Variants in IL1RAPL2 observed in about 807,000 individuals in gnomAD.
IL1RAPL2 encodes the protein interleukin 1 receptor accessory protein like 2.
In IL1RAPL2, 3 loss-of-function variants were observed where a neutral mutation model predicts 44.1. The ratio of observed to expected loss-of-function variants is 0.07; its 90% CI spans 0.03 to 0.18. IL1RAPL2 has a LOEUF of 0.18. Among genes scored for constraint, IL1RAPL2 ranks in the 10% least tolerant of loss-of-function variants. IL1RAPL2 has a pLI of 1.00. For missense variants in IL1RAPL2, 391 were observed against 496.4 expected, an observed-to-expected ratio of 0.79 and a Z score of 2.02; for synonymous variants, 181 against 178.8, an observed-to-expected ratio of 1.01 and a Z score of -0.10.
At chrX:104,947,820 C>G (rs949951698) in intron 2 of IL1RAPL2, among the ~76,000 whole-genome samples, 2 of 112,040 alleles carry the variant, frequency 1.8e-5, no homozygotes, top group African/African-American at 3.2e-5. Context: ...GTTACTGTAG[C>G]CTTGTAGTAT....
At chrX:104,612,805 A>G (rs1418304509) in intron 1 of IL1RAPL2, among the ~76,000 whole-genome samples, 1 of 111,701 alleles carries the variant, frequency 9.0e-6, no homozygotes, top group Non-Finnish European at 1.9e-5. Flanking sequence ...CTTCCAATCA[A>G]TGAGCATGGA....
intron 6 of IL1RAPL2, among the ~76,000 whole-genome samples, chrX:105,626,528 A>C (rs1168915276): frequency 9.0e-6 from 1 of 111,400 alleles, no homozygotes; most frequent in East Asian, 2.8e-4. Flanking sequence ...TGGAAGTTTT[A>C]GACCCTTTGG....
At chrX:105,622,908 A>G (rs772556314) in intron 6 of IL1RAPL2, among the ~76,000 whole-genome samples, 7 of 110,473 alleles carry the variant, frequency 6.3e-5, no homozygotes, top group Non-Finnish European at 7.6e-5. Context: ...TAAAACCTCT[A>G]GTTCCCTCAT....
At chrX:105,098,754 G>A (rs185924314) in intron 2 of IL1RAPL2, among the ~76,000 whole-genome samples, 18 of 108,403 alleles carry the variant, frequency 1.7e-4, no homozygotes, top group Admixed American at 5.9e-4. Flanking sequence ...AGTCGTGTTT[G>A]ATTTGGGAAG....
At chrX:105,056,035 A>C (rs1168535900) in intron 2 of IL1RAPL2, among the ~76,000 whole-genome samples, 1 of 108,901 alleles carries the variant, frequency 9.2e-6, no homozygotes, top group Non-Finnish European at 1.9e-5. Flanking sequence ...TTCAGAACAG[A>C]AATTGCAAAT....
At chrX:104,837,804 T>A in intron 2 of IL1RAPL2, among the ~76,000 whole-genome samples, 1 of 111,978 alleles carries the variant, frequency 8.9e-6, no homozygotes, top group Non-Finnish European at 1.9e-5. Context: ...TCTTTGCCCA[T>A]ACCTATGTCC....
At position 105,368,683 on chromosome X, in the gene IL1RAPL2, A is replaced by C. The variant is rs187880480; in HGVS notation, c.697+101142A>C. On this transcript the variant is annotated intron_variant, in intron 5 of 10. Coordinates refer to ENST00000372582, the MANE Select transcript of IL1RAPL2 (RefSeq NM_017416.2). ...GTGTGAGTTTCTTTGAATTCATCCT[A>C]TTATAGATGACTGTTAAGCTTACTG... 1.5e-3 allele frequency among the ~76,000 whole-genome samples: 168 copies of C among 111,424 alleles called. 1 individual carries two copies. The highest frequency in any genetic ancestry group is 5.0e-3 in the African/African-American group (155 of 30,726).
intron 2 of IL1RAPL2, among the ~76,000 whole-genome samples, chrX:104,797,192 C>G (rs1028867136): frequency 2.7e-4 from 9 of 33,092 alleles, no homozygotes; most frequent in Non-Finnish European, 4.5e-4. Flanking sequence ...TCAGCCCCCC[C>G]CCCCCCCCCG....
chrX:105,140,094 A>C (rs2033113389), intron 2 of IL1RAPL2, among the ~76,000 whole-genome samples: 1 of 112,523 alleles, frequency 8.9e-6, no homozygotes, highest in Non-Finnish European at 1.9e-5. Context: ...GGAAGTTTAT[A>C]GTTCAATTAA....
chrX:104,625,543 C>A, intron 1 of IL1RAPL2, among the ~76,000 whole-genome samples: 1 of 110,887 alleles, frequency 9.0e-6, no homozygotes. Flanking sequence ...TCTTCTTTTT[C>A]TTCTTCTCTT....
intron 4 of IL1RAPL2, among the ~76,000 whole-genome samples, chrX:105,261,071 G>A (rs1291063746): frequency 1.8e-5 from 2 of 111,336 alleles, no homozygotes; most frequent in African/African-American, 3.3e-5. Flanking sequence ...TTGAGTGGCT[G>A]CTCTGCCAAG....
intron 5 of IL1RAPL2, among the ~76,000 whole-genome samples, chrX:105,387,868 G>C (rs1032552478): frequency 6.5e-4 from 71 of 109,135 alleles, no homozygotes; most frequent in African/African-American, 2.2e-3. Flanking sequence ...GGGTAATTGG[G>C]CCGGGCGCAG....
chrX:105,231,617 G>C (rs1265460513), intron 3 of IL1RAPL2, among the ~76,000 whole-genome samples: 1 of 112,304 alleles, frequency 8.9e-6, no homozygotes, highest in South Asian at 3.7e-4. Context: ...TAATTAACAA[G>C]AGCAACAAAT....
intron 1 of IL1RAPL2, among the ~76,000 whole-genome samples, chrX:104,635,793 C>T (rs749434796): frequency 2.7e-4 from 30 of 111,423 alleles, no homozygotes; most frequent in South Asian, 7.6e-4. Flanking sequence ...TTCGAACTTC[C>T]TCCTTTAGCT....
intron 5 of IL1RAPL2, among the ~76,000 whole-genome samples, chrX:105,389,443 T>C (rs2035505201): frequency 8.9e-6 from 1 of 112,298 alleles, no homozygotes; most frequent in Non-Finnish European, 1.9e-5. Flanking sequence ...TGTGATGGTT[T>C]TAACTTGATT....
chrX:104,640,941 G>T (rs1929922490), intron 1 of IL1RAPL2, among the ~76,000 whole-genome samples: 1 of 112,435 alleles, frequency 8.9e-6, no homozygotes, highest in Non-Finnish European at 1.9e-5. Context: ...GCTGGCATCT[G>T]TGTTGACAAT....
intron 2 of IL1RAPL2, among the ~76,000 whole-genome samples, chrX:104,955,744 C>T (rs1602851372): frequency 9.1e-6 from 1 of 110,464 alleles, no homozygotes; most frequent in African/African-American, 3.3e-5. Flanking sequence ...GTTTTAAAAG[C>T]TTCTGTCCCA....
intron 2 of IL1RAPL2, among the ~76,000 whole-genome samples, chrX:105,090,595 C>T (rs2032533100): frequency 8.9e-6 from 1 of 111,978 alleles, no homozygotes; most frequent in Non-Finnish European, 1.9e-5. Context: ...CATAGCAGGC[C>T]TCTGAGGTTA....
At chrX:104,920,140 T>C (rs757540304) in intron 2 of IL1RAPL2, among the ~76,000 whole-genome samples, 2 of 111,421 alleles carry the variant, frequency 1.8e-5, no homozygotes, top group Non-Finnish European at 3.8e-5. Context: ...TACTGAGTTA[T>C]AGTAGTAAAT....
Sources: gnomAD v4.1 joint callset for allele counts (sites outside exome capture counted in the v4.1 genomes callset) on GRCh38, gnomAD v4.1.1 for gene constraint, MANE v1.5 for transcripts, NCBI Gene and HGNC (gene_info 2026-07-23, HGNC 2026-07-21) for gene names.